The following ALK variants were observed in gnomAD, a reference collection of about 807,000 sequenced individuals.
The protein encoded by ALK is ALK receptor tyrosine kinase.
A neutral mutation model predicts 163.1 loss-of-function variants in ALK; 74 were observed. The ratio of observed to expected loss-of-function variants is 0.45; its 90% CI spans 0.38 to 0.55. The LOEUF (loss-of-function observed/expected upper bound fraction) is 0.55. ALK is among the 20% of genes least tolerant of loss of function. ALK has a pLI of 0.00. For synonymous variants in ALK, 960 were observed against 843.2 expected, an observed-to-expected ratio of 1.14 and a Z score of -2.40; for missense variants, 2,063 against 2,105.3, an observed-to-expected ratio of 0.98 and a Z score of 0.39.
chr2:29,423,676 A>G (rs1244107466), intron 4 of ALK, among the ~76,000 whole-genome samples: 1 of 152,244 alleles, frequency 6.6e-6, no homozygotes, highest in Non-Finnish European at 1.5e-5. Context: ...GGCAAGAATA[A>G]TGATACCCCT....
At chr2:29,511,507 T>C (rs1255686038) in intron 4 of ALK, among the ~76,000 whole-genome samples, 1 of 152,226 alleles carries the variant, frequency 6.6e-6, no homozygotes, top group Non-Finnish European at 1.5e-5. Context: ...TGTTCCATAG[T>C]ATAGATAAAC....
At chr2:29,867,558 C>G (rs4414641) in intron 1 of ALK, among the ~76,000 whole-genome samples, 521 of 152,114 alleles carry the variant, frequency 3.4e-3, no homozygotes, top group African/African-American at 0.012. Context: ...GATCTTACAA[C>G]TGCCTCATAA....
intron 1 of ALK, among the ~76,000 whole-genome samples, chr2:29,826,964 AG>A: frequency 6.6e-6 from 1 of 152,378 alleles, no homozygotes; most frequent in African/African-American, 2.4e-5. Context: ...CATTTCAAAA[AG>A]GTTTGCCTTC....
In ALK at chr2:29,921,445, A is replaced by C; in HGVS notation, c.-786T>G. On this transcript the variant is annotated 5_prime_UTR_variant, in exon 1 of 29. The change abolishes an upstream ATG in the 5' untranslated region. Coordinates refer to ENST00000389048, the MANE Select transcript of ALK (RefSeq NM_004304.5). ...AAATCTTGCCGCCCCCTCCTCACCC[A>C]TCATCAGCGCCCGCGGCTTTGGGTG... The C allele has an allele frequency of 4.3e-6, 1 of 231,756 alleles. No individual in the cohort carries two copies. The highest frequency in any genetic ancestry group is 2.2e-5 in the African/African-American group (1 of 45,342). The allele number at this position is 231,756 out of a possible 1,614,324, so 14.4% of individuals were successfully genotyped here. A position where few individuals can be genotyped will look rare whatever the true frequency, so the allele number is the denominator to read the frequency against.
chr2:29,850,636 G>A (rs1665966894), intron 1 of ALK, among the ~76,000 whole-genome samples: 1 of 152,150 alleles, frequency 6.6e-6, no homozygotes, highest in Non-Finnish European at 1.5e-5. Context: ...CTTCATTTGG[G>A]GTCAAGATAG....
chr2:29,708,235 T>C (rs1209477854), intron 2 of ALK, among the ~76,000 whole-genome samples: 1 of 152,070 alleles, frequency 6.6e-6, no homozygotes, highest in Non-Finnish European at 1.5e-5. Flanking sequence ...GCCCGGCTAA[T>C]TTTTTGTAGT....
At chr2:29,234,345 G>A (rs1360264698) in intron 13 of ALK, among the ~76,000 whole-genome samples, 1 of 152,136 alleles carries the variant, frequency 6.6e-6, no homozygotes, top group Admixed American at 6.5e-5. Context: ...TATGAGAGCC[G>A]TTCTCTCACT....
At chr2:29,349,099 T>C (rs947594162) in intron 5 of ALK, among the ~76,000 whole-genome samples, 1 of 152,192 alleles carries the variant, frequency 6.6e-6, no homozygotes, top group Non-Finnish European at 1.5e-5. Context: ...AGAGTAAGTC[T>C]TGATGAATGT....
intron 3 of ALK, among the ~76,000 whole-genome samples, chr2:29,602,272 T>C (rs1042589536): frequency 6.6e-6 from 1 of 152,060 alleles, no homozygotes; most frequent in Non-Finnish European, 1.5e-5. Flanking sequence ...CCCAGACATA[T>C]TCAGGATCCA....
intron 5 of ALK, among the ~76,000 whole-genome samples, chr2:29,365,942 G>A (rs570259973): frequency 6.6e-6 from 1 of 152,238 alleles, no homozygotes; most frequent in African/African-American, 2.4e-5. Flanking sequence ...ATCGCCTGAG[G>A]TTTCTTTTTC....
chr2:29,224,283 T>C (rs1663858734), intron 19 of ALK, among the ~76,000 whole-genome samples: 2 of 152,134 alleles, frequency 1.3e-5, no homozygotes, highest in African/African-American at 4.8e-5. Context: ...CCGCCTCTTG[T>C]TACTTACAAG....
intron 5 of ALK, among the ~76,000 whole-genome samples, chr2:29,378,352 A>C (rs953695709): frequency 6.6e-5 from 10 of 152,174 alleles, no homozygotes; most frequent in African/African-American, 2.4e-4. Flanking sequence ...CTACATGGCA[A>C]GGGAGACAGA....
intron 1 of ALK, among the ~76,000 whole-genome samples, chr2:29,917,709 TCAC>T (rs774096936): frequency 6.6e-5 from 10 of 152,196 alleles, no homozygotes; most frequent in African/African-American, 2.4e-4. Context: ...CCAAGTATGA[TCAC>T]CACAAGGCCC....
At position 29,875,357 on chromosome 2, in the gene ALK, G is replaced by T. The variant is rs549990464; in HGVS notation, c.667+44636C>A. 7.9e-5 allele frequency among the ~76,000 whole-genome samples: 12 copies of T among 152,146 alleles called. No homozygotes were observed. In the South Asian group the frequency reaches 2.5e-3, roughly 32 times the overall value. Reference sequence around the variant, plus strand: ...GTGAGGGTGGCACAACATTGTAAATGGACTTAATGTCACTCAATTGTACAC... The same window carrying T: ...GTGAGGGTGGCACAACATTGTAAATTGACTTAATGTCACTCAATTGTACAC... On this transcript the variant is annotated intron_variant, in intron 1 of 28. Transcript: ENST00000389048.
At chr2:29,766,770 G>A (rs1482115777) in intron 1 of ALK, among the ~76,000 whole-genome samples, 1 of 152,108 alleles carries the variant, frequency 6.6e-6, no homozygotes, top group Non-Finnish European at 1.5e-5. Flanking sequence ...TTTTCCACCT[G>A]CCATCCTCTG....
intron 3 of ALK, among the ~76,000 whole-genome samples, chr2:29,652,464 G>T (rs1025648496): frequency 6.6e-6 from 1 of 152,062 alleles, no homozygotes; most frequent in African/African-American, 2.4e-5. Context: ...TTTCATTTTC[G>T]ATCCCATTTC....
At chr2:29,468,231 G>A (rs1671260181) in intron 4 of ALK, among the ~76,000 whole-genome samples, 1 of 152,126 alleles carries the variant, frequency 6.6e-6, no homozygotes, top group Non-Finnish European at 1.5e-5. Context: ...GTTTCACCAT[G>A]TTGGTCAGGC....
chr2:29,562,861 G>C (rs917382282), intron 3 of ALK, among the ~76,000 whole-genome samples: 1 of 152,226 alleles, frequency 6.6e-6, no homozygotes, highest in Non-Finnish European at 1.5e-5. Flanking sequence ...TCAACAGAGG[G>C]CTTAACAGAT....
intron 3 of ALK, among the ~76,000 whole-genome samples, chr2:29,628,319 T>C (rs549888236): frequency 2.6e-5 from 4 of 152,344 alleles, no homozygotes; most frequent in South Asian, 2.1e-4. Flanking sequence ...ATTTTCTATA[T>C]AATCTTAACA....
Sources: gnomAD v4.1 joint callset for allele counts (sites outside exome capture counted in the v4.1 genomes callset) on GRCh38, gnomAD v4.1.1 for gene constraint, MANE v1.5 for transcripts, NCBI Gene and HGNC (gene_info 2026-07-23, HGNC 2026-07-21) for gene names.